ZNF569: variants seen among roughly 807,000 people sequenced by gnomAD.
ZNF569 encodes the protein DNA-binding protein.
ZNF569 carries 38 observed loss-of-function variants against 56.3 expected under a neutral mutation model. That is an observed-to-expected ratio of 0.68 (90% CI 0.52 to 0.88). The LOEUF is 0.88. Ranked by LOEUF, ZNF569 falls within the 40% of genes least tolerant of loss-of-function variation. The probability of loss-of-function intolerance (pLI) is 0.00; values close to 1 mark genes in which losing one functional copy is unlikely to be tolerated. For synonymous variants in ZNF569, 241 were observed against 262.9 expected (o/e 0.92, Z 0.81); for missense variants, 666 against 809.2 (o/e 0.82, Z 2.15).
In ZNF569 at chr19:37,425,539, T is replaced by C. The variant is rs543210613; in HGVS notation, c.238+329A>G. ...GGTTTCACCGTGTTAGCCAGGATGG[T>C]TGTGATCTCCTGACCTCATGATCCG... On this transcript the variant is annotated intron_variant, in intron 5 of 5. Coordinates refer to ENST00000316950, the MANE Select transcript of ZNF569 (RefSeq NM_152484.3). The C allele has an allele frequency of 1.5e-4, 25 of 162,928 alleles. No individual in the cohort carries two copies. In the South Asian group the frequency reaches 4.5e-3, roughly 29 times the overall value. 10.1% of individuals were successfully genotyped at this position (162,928 alleles called of 1,614,324 possible). A position where few individuals can be genotyped will look rare whatever the true frequency, so the allele number is the denominator to read the frequency against.
chr19:37,425,558 T>A (rs1222593178), intron 5 of ZNF569: 1 of 172,180 alleles, frequency 5.8e-6, no homozygotes, highest in Admixed American at 6.0e-5. Flanking sequence ...CCTGACCTCA[T>A]GATCCGCCCA....
chr19:37,427,109 G>A (rs1239895940), intron 3 of ZNF569, among the ~76,000 whole-genome samples: 1 of 151,762 alleles, frequency 6.6e-6, no homozygotes, highest in South Asian at 2.1e-4. Context: ...CTTGAGCCCA[G>A]GAGTTTTGAG....
At chr19:37,465,133 C>T (rs907857071) in intron 2 of ZNF569, among the ~76,000 whole-genome samples, 180 bp downstream of exon 2, 3 of 152,232 alleles carry the variant, frequency 2.0e-5, no homozygotes, top group African/African-American at 7.2e-5. Flanking sequence ...ACTTTTCTCA[C>T]TCACGCATAA....
chr19:37,443,384 A>G (rs938916128), intron 3 of ZNF569, among the ~76,000 whole-genome samples: 1 of 152,162 alleles, frequency 6.6e-6, no homozygotes, highest in Non-Finnish European at 1.5e-5. Context: ...AAAGAAAGGT[A>G]TATCTCAGAA....
chr19:37,418,134 T>TAATAATAAA (rs1476685180), intron 5 of ZNF569, among the ~76,000 whole-genome samples: 66 of 137,730 alleles, frequency 4.8e-4, no homozygotes, highest in African/African-American at 1.6e-3. Flanking sequence ...ATAATAATAA[T>TAATAATAAA]AAAATAAAGT....
Position 37,425,941 on chromosome 19 carries a change from A to T in ZNF569, c.165T>A (p.Asp55Glu). The change falls in exon 5 of 6, where the codon GAT (aspartate) becomes GAA (glutamate). Residue 55 changes from aspartate (D) to glutamate (E), a missense_variant. Coordinates refer to ENST00000316950, the MANE Select transcript of ZNF569 (RefSeq NM_152484.3). Reference protein sequence around the residue: ...ITVGYPFTKPDVIFKLEQEEE... With the variant: ...ITVGYPFTKPEVIFKLEQEEE... ...CTTCTTGCTCCAATTTGAAAATCAC[A>T]TCAGGTTTGGTGAACGGATAGCCTG... is the stretch of plus-strand genomic sequence containing the variant. The T allele has an allele frequency of 6.2e-7, 1 of 1,613,964 alleles. No individual in the cohort carries two copies. The highest frequency in any genetic ancestry group is 1.3e-5 in the African/African-American group (1 of 75,002).
intron 3 of ZNF569, among the ~76,000 whole-genome samples, chr19:37,433,697 C>T (rs182130503): frequency 3.0e-4 from 45 of 151,972 alleles, no homozygotes; most frequent in African/African-American, 1.0e-3. Context: ...AAGAGTGGCA[C>T]GACATATTTA....
rs115157793 is a variant in ZNF569 at position 37,422,591 on chromosome 19, A to G, written c.238+3277T>C. The stretch of plus-strand genomic sequence containing the variant: ...GGCTGCCACAAGCCTTCAATTTATA[A>G]AAAAATGCAACATTTGCCAAGCACA... On this transcript the variant is annotated intron_variant, in intron 5 of 5. Coordinates refer to ENST00000316950, the MANE Select transcript of ZNF569 (RefSeq NM_152484.3). Among the ~76,000 whole-genome samples, 1,197 of 152,324 alleles carry G rather than the reference A, an allele frequency of 7.9e-3. 15 individuals carry two copies. The highest frequency in any genetic ancestry group is 0.028 in the African/African-American group (1,149 of 41,566).
upstream of ZNF569, chr19:37,468,080 T>TG: frequency 2.8e-6 from 2 of 720,760 alleles, no homozygotes; most frequent in East Asian, 5.5e-5. Flanking sequence ...TGTTTTTTTT[T>TG]TTTTGTTTGT....
intron 5 of ZNF569, among the ~76,000 whole-genome samples, chr19:37,415,598 C>A (rs145907728): frequency 6.6e-6 from 1 of 151,790 alleles, no homozygotes; most frequent in Non-Finnish European, 1.5e-5. Flanking sequence ...AGGCCGGGCG[C>A]GGTGGCTCAT....
intron 5 of ZNF569, among the ~76,000 whole-genome samples, chr19:37,419,572 A>G (rs958139021): frequency 2.6e-5 from 4 of 152,008 alleles, no homozygotes; most frequent in Non-Finnish European, 5.9e-5. Flanking sequence ...AAATTCAAAA[A>G]AATTAGCCGG....
At chr19:37,469,040 C>T, upstream of ZNF569, 9 of 991,070 alleles carry the variant, frequency 9.1e-6, no homozygotes, top group Non-Finnish European at 1.1e-5. Context: ...AAGGGAGGCG[C>T]GCAGAGCGCT....
At chr19:37,441,203 C>T (rs2041399262) in intron 3 of ZNF569, among the ~76,000 whole-genome samples, 1 of 152,070 alleles carries the variant, frequency 6.6e-6, no homozygotes, top group South Asian at 2.1e-4. Flanking sequence ...GTAATATGTG[C>T]CTAGAACTCC....
In ZNF569 at chr19:37,412,764, T is replaced by C. The variant is rs2040858773; in HGVS notation, c.1894A>G (p.Lys632Glu). ...CCACATTTACTACAGTCGAAGGGTTTCTCACCTGTATGTCCTCGTATATGT... is the reference window on the plus strand; with the variant it reads ...CCACATTTACTACAGTCGAAGGGTTCCTCACCTGTATGTCCTCGTATATGT... The part of the protein sequence containing the change: ...TIHIRGHTGE[K>E]PFDCSKCGKA... The change falls in exon 6 of 6, where the codon AAA (lysine) becomes GAA (glutamate). Residue 632 changes from lysine to glutamate, a missense_variant. Lys to Glu is a moderately conservative substitution (Grantham distance 56). Transcript: ENST00000316950. 1.2e-6 allele frequency: 2 copies of C among 1,613,966 alleles called. No individual in the cohort carries two copies. The highest frequency in any genetic ancestry group is 1.7e-6 in the Non-Finnish European group (2 of 1,179,964).
At chr19:37,422,816 T>TGTCACAC (rs2041060807) in intron 5 of ZNF569, among the ~76,000 whole-genome samples, 1 of 152,150 alleles carries the variant, frequency 6.6e-6, no homozygotes, top group African/African-American at 2.4e-5. Context: ...GGTACAGCAA[T>TGTCACAC]GTCACACTGC....
intron 2 of ZNF569, among the ~76,000 whole-genome samples, chr19:37,453,914 T>A (rs1004585271): frequency 1.3e-5 from 2 of 152,252 alleles, no homozygotes; most frequent in African/African-American, 4.8e-5. Flanking sequence ...CTTTGAAGTA[T>A]GTTTTTTCTT....
At chr19:37,420,521 G>T (rs1298061575) in intron 5 of ZNF569, among the ~76,000 whole-genome samples, 1 of 152,096 alleles carries the variant, frequency 6.6e-6, no homozygotes, top group East Asian at 1.9e-4. Context: ...AGATCCTAAA[G>T]AAATGACTTT....
Position 37,425,956 on chromosome 19 carries a change from C to T in ZNF569, c.150G>A (p.Pro50=), listed in dbSNP as rs534219621. Residue 50 remains proline (P), a synonymous_variant, in exon 5 of 6, where the codon CCG becomes CCA. Transcript: ENST00000316950. ...TGAAAATCACATCAGGTTTGGTGAA[C>T]GGATAGCCTGTCAAAGGGAAGTTAC... ...NYNNLITVGY[P]FTKPDVIFKL... The T allele has an allele frequency of 1.1e-4, 174 of 1,613,776 alleles. No homozygotes were observed. The highest frequency in any genetic ancestry group is 9.6e-4 in the East Asian group (43 of 44,850).
intron 3 of ZNF569, among the ~76,000 whole-genome samples, chr19:37,440,650 A>G (rs1012537881): frequency 2.0e-5 from 3 of 152,234 alleles, no homozygotes; most frequent in Non-Finnish European, 4.4e-5. Context: ...CTCATAAGAA[A>G]CACGGAAGGA....
Sources: allele counts gnomAD v4.1 joint callset (sites outside exome capture counted in the v4.1 genomes callset), GRCh38; gene constraint gnomAD v4.1.1; transcripts MANE v1.5; gene names NCBI Gene and HGNC (gene_info 2026-07-23, HGNC 2026-07-21).